Variants in FSIP1 observed in about 807,000 individuals in gnomAD.
FSIP1 encodes the protein fibrous sheath-interacting protein 1.
FSIP1 carries 65 observed loss-of-function variants against 60.9 expected under a neutral mutation model. That is an observed-to-expected ratio of 1.07 (90% CI 0.87 to 1.31). The LOEUF is 1.31. Ranked by LOEUF, FSIP1 falls within the 40% of genes most tolerant of loss-of-function variation. FSIP1 has a pLI of 0.00. For synonymous variants in FSIP1, 209 were observed against 221.2 expected, an observed-to-expected ratio of 0.94 and a Z score of 0.49; for missense variants, 675 against 665.5, an observed-to-expected ratio of 1.01 and a Z score of -0.16.
chr15:39,778,311 A>G (rs1898131584), intron 1 of FSIP1, among the ~76,000 whole-genome samples: 1 of 152,246 alleles, frequency 6.6e-6, no homozygotes, highest in Non-Finnish European at 1.5e-5. Context: ...ACATGTCAAT[A>G]AAGGCACAGG....
At chr15:39,662,310 GC>G (rs1458832600) in intron 10 of FSIP1, among the ~76,000 whole-genome samples, 1 of 151,934 alleles carries the variant, frequency 6.6e-6, no homozygotes, top group Non-Finnish European at 1.5e-5. Flanking sequence ...ATGTAATCAA[GC>G]CCCCCAAAAT....
intron 8 of FSIP1, among the ~76,000 whole-genome samples, chr15:39,736,142 C>A (rs1276301420): frequency 6.6e-6 from 1 of 152,254 alleles, no homozygotes; most frequent in Non-Finnish European, 1.5e-5. Context: ...TCTTATGGGA[C>A]CACTGTCATG....
At chr15:39,679,272 T>A (rs12899512) in intron 10 of FSIP1, among the ~76,000 whole-genome samples, 4,870 of 152,304 alleles carry the variant, frequency 0.032, 100 homozygotes, top group Middle Eastern at 0.065. Flanking sequence ...GAACCCTGAA[T>A]ATCTTAAAAT....
intron 8 of FSIP1, among the ~76,000 whole-genome samples, chr15:39,730,418 G>A (rs1481611254): frequency 3.9e-5 from 6 of 152,198 alleles, no homozygotes; most frequent in Non-Finnish European, 5.9e-5. Context: ...ACTGCAAAAA[G>A]AGGACAGAAG....
intron 9 of FSIP1, among the ~76,000 whole-genome samples, chr15:39,726,123 G>A (rs1896185255): frequency 6.6e-6 from 1 of 152,138 alleles, no homozygotes; most frequent in African/African-American, 2.4e-5. Context: ...ACTACTGAGA[G>A]AAGAAACACA....
intron 10 of FSIP1, among the ~76,000 whole-genome samples, chr15:39,628,480 C>T (rs962457364): frequency 6.6e-6 from 1 of 152,170 alleles, no homozygotes; most frequent in Non-Finnish European, 1.5e-5. Flanking sequence ...CAGGAGAAGA[C>T]CCTAAAAGCC....
intron 10 of FSIP1, among the ~76,000 whole-genome samples, chr15:39,673,372 G>A (rs1461929906): frequency 6.6e-6 from 1 of 152,154 alleles, no homozygotes; most frequent in Non-Finnish European, 1.5e-5. Flanking sequence ...AGAATACAGT[G>A]ACCCAATCAT....
At chr15:39,741,224 T>A (rs569453006) in intron 6 of FSIP1, among the ~76,000 whole-genome samples, 46 of 152,368 alleles carry the variant, frequency 3.0e-4, no homozygotes, top group African/African-American at 1.1e-3. Context: ...AGAGCTCCTT[T>A]AAAACATATT....
At chr15:39,754,920 G>T (rs192871163) in intron 5 of FSIP1, among the ~76,000 whole-genome samples, 1 of 152,106 alleles carries the variant, frequency 6.6e-6, no homozygotes, top group Non-Finnish European at 1.5e-5. Flanking sequence ...CTTCCACAGC[G>T]TGACAGTAGA....
chr15:39,732,703 T>C (rs1896455694), intron 8 of FSIP1, among the ~76,000 whole-genome samples: 1 of 151,912 alleles, frequency 6.6e-6, no homozygotes, highest in Admixed American at 6.6e-5. Flanking sequence ...AAAACATAAT[T>C]ATCATTTTAG....
chr15:39,731,184 T>C (rs151131789), intron 8 of FSIP1, among the ~76,000 whole-genome samples: 24 of 152,298 alleles, frequency 1.6e-4, no homozygotes, highest in African/African-American at 5.5e-4. Flanking sequence ...TATAAAGAAA[T>C]TGATCCTCAG....
intron 5 of FSIP1, among the ~76,000 whole-genome samples, chr15:39,759,949 C>G (rs1897436430): frequency 6.6e-6 from 1 of 152,102 alleles, no homozygotes; most frequent in Non-Finnish European, 1.5e-5. Context: ...AGGTAACATT[C>G]ACAGGCTCTA....
chr15:39,701,225 T>C (rs183900404), intron 10 of FSIP1, among the ~76,000 whole-genome samples: 2 of 152,232 alleles, frequency 1.3e-5, no homozygotes, highest in Non-Finnish European at 1.5e-5. Flanking sequence ...TAATAAACTG[T>C]TCAATGTAAA....
Position 39,713,978 on chromosome 15 carries a change from T to A in FSIP1, c.1051-397A>T, listed in dbSNP as rs547319470. On this transcript the variant is annotated intron_variant, in intron 9 of 11. Transcript: ENST00000350221. ...GCCCATCCATATTATTAGAAGCAGCTGTGTAATAATGGGAAGAAAACTGGA... is the reference window on the plus strand; with the variant it reads ...GCCCATCCATATTATTAGAAGCAGCAGTGTAATAATGGGAAGAAAACTGGA... 5.9e-5 allele frequency among the ~76,000 whole-genome samples: 9 copies of A among 152,306 alleles called. No homozygotes were observed. The South Asian group carries it at 1.2e-3, about 21-fold the overall frequency.
At chr15:39,670,437 T>C (rs1040629244) in intron 10 of FSIP1, among the ~76,000 whole-genome samples, 2 of 152,228 alleles carry the variant, frequency 1.3e-5, no homozygotes, top group Admixed American at 1.3e-4. Context: ...AACCATATAT[T>C]AGATGCAAAC....
intron 8 of FSIP1, among the ~76,000 whole-genome samples, chr15:39,728,758 CA>C (rs1368084734): frequency 6.6e-6 from 1 of 152,110 alleles, no homozygotes; most frequent in African/African-American, 2.4e-5. Context: ...CAAAAATTGA[CA>C]AATGGGACCT....
intron 9 of FSIP1, among the ~76,000 whole-genome samples, chr15:39,715,065 G>C (rs117981163): frequency 2.8e-3 from 419 of 151,590 alleles, no homozygotes; most frequent in Non-Finnish European, 4.8e-3. Flanking sequence ...TGCTGCCAGA[G>C]CCTCCTGGCT....
intron 10 of FSIP1, among the ~76,000 whole-genome samples, chr15:39,683,952 TAC>T (rs952425788): frequency 6.6e-6 from 1 of 152,154 alleles, no homozygotes; most frequent in African/African-American, 2.4e-5. Flanking sequence ...ACTAAATAAA[TAC>T]AGAGGCATAC....
intron 10 of FSIP1, among the ~76,000 whole-genome samples, chr15:39,639,043 T>C (rs1892252415): frequency 6.6e-6 from 1 of 152,174 alleles, no homozygotes; most frequent in South Asian, 2.1e-4. Flanking sequence ...AGATATATCA[T>C]GAAATCAGAA....
Sources: gnomAD v4.1 joint callset for allele counts (sites outside exome capture counted in the v4.1 genomes callset) on GRCh38, gnomAD v4.1.1 for gene constraint, MANE v1.5 for transcripts, NCBI Gene and HGNC (gene_info 2026-07-23, HGNC 2026-07-21) for gene names.